The following AFM variants were observed in gnomAD, a reference collection of about 807,000 sequenced individuals.
AFM encodes the protein alpha-Alb.
Under a neutral mutation model 68.7 loss-of-function variants are expected in AFM, and 82 were observed. That is an observed-to-expected ratio of 1.19 (90% CI 1.00 to 1.43). The LOEUF (loss-of-function observed/expected upper bound fraction) is 1.43, where lower values mean the gene tolerates loss of function less well. AFM is among the 40% of genes most tolerant of loss of function. The probability of loss-of-function intolerance (pLI) is 0.00; values close to 1 mark genes in which losing one functional copy is unlikely to be tolerated. For synonymous variants in AFM, 250 were observed against 234.2 expected (o/e 1.07, Z -0.61); for missense variants, 772 against 701.8 (o/e 1.10, Z -1.13).
Position 73,499,250 on chromosome 4 carries a change from A to G in AFM, c.1422+4A>G, listed in dbSNP as rs1160181616. ...GTTTGCCTGTGTTGATAATTTGGTGAGCATGGCCTGTGTACCAGACTACTC... is the reference window on the plus strand; with the variant it reads ...GTTTGCCTGTGTTGATAATTTGGTGGGCATGGCCTGTGTACCAGACTACTC... On this transcript the variant is annotated splice_donor_region_variant and intron_variant, in intron 11 of 14. Coordinates refer to ENST00000226355, the MANE Select transcript of AFM (RefSeq NM_001133.2). 3 of 1,600,800 alleles carry G rather than the reference A, an allele frequency of 1.9e-6. No individual in the cohort carries two copies. Among genetic ancestry groups the G allele is most frequent in the South Asian group, 1.1e-5 (1 of 89,552 alleles).
intron 10 of AFM, 86 bp from the exon 11 acceptor site, chr4:73,499,028 C>T: frequency 1.4e-6 from 2 of 1,434,866 alleles, no homozygotes; most frequent in Non-Finnish European, 1.9e-6. Context: ...TGTCGCTAGC[C>T]TTGAAGGGTC....
intron 7 of AFM, among the ~76,000 whole-genome samples, chr4:73,491,364 T>C (rs1421523064): frequency 1.3e-5 from 2 of 152,252 alleles, no homozygotes; most frequent in East Asian, 1.9e-4. Context: ...TAGCTTCTTA[T>C]ATTTGATGAA....
rs771862126 is a variant in AFM, at chr4:73,483,920, C to G, written c.89-21C>G. On this transcript the variant is annotated intron_variant, in intron 1 of 14. Transcript: ENST00000226355. ...TTAGAAAACCATGCTATGTAATAAC[C>G]TAAATATTCTTGCTTTTCAGAGAAC... The G allele has an allele frequency of 4.6e-6, 7 of 1,505,736 alleles. No individual in the cohort carries two copies. The East Asian group carries it at 1.6e-4, about 35-fold the overall frequency. The allele number at this position is 1,505,736 out of a possible 1,614,324, so 93.3% of individuals were successfully genotyped here.
Position 73,483,992 on chromosome 4 carries a change from G to T in AFM, c.137+3G>T. ...ATAGAAGATAATATTGAATACATGT[G>T]AGTTGTGCTAAATACTTTTTGATGA... On this transcript the variant is annotated splice_donor_region_variant and intron_variant, in intron 2 of 14. Coordinates refer to ENST00000226355, the MANE Select transcript of AFM (RefSeq NM_001133.2). 1 of 1,520,010 alleles carries T rather than the reference G, an allele frequency of 6.6e-7. No homozygotes were observed. The highest frequency in any genetic ancestry group is 1.2e-5 in the South Asian group (1 of 82,614). The allele number at this position is 1,520,010 out of a possible 1,614,324, so 94.2% of individuals were successfully genotyped here. A position where few individuals can be genotyped will look rare whatever the true frequency, so the allele number is the denominator to read the frequency against.
Position 73,488,609 on chromosome 4 carries a change from G to A in AFM, c.714-21G>A, listed in dbSNP as rs575438048. 6 of 1,594,122 alleles carry A rather than the reference G, an allele frequency of 3.8e-6. No individual in the cohort carries two copies. The South Asian group carries it at 5.7e-5, about 15-fold the overall frequency. On this transcript the variant is annotated intron_variant, in intron 6 of 14. Transcript: ENST00000226355. Reference sequence around the variant, plus strand: ...ACTTGCTGTTCAAATTATTTTTGTGGTTTATCAATTCTCTTTCCAGATATA... The same window carrying A: ...ACTTGCTGTTCAAATTATTTTTGTGATTTATCAATTCTCTTTCCAGATATA...
chr4:73,484,391 G>A lies in AFM; in HGVS notation c.270+1G>A, dbSNP rs772282656. Reference sequence around the variant, plus strand: ...GCTCCCAGAGTGTTCAAAATTACCTGTAAGTAAATTGCTTGTGTTTCTTTT... The same window carrying A: ...GCTCCCAGAGTGTTCAAAATTACCTATAAGTAAATTGCTTGTGTTTCTTTT... On this transcript the variant is annotated splice_donor_variant, in intron 3 of 14. Transcript: ENST00000226355. LOFTEE classifies it high-confidence loss of function. 3 of 1,548,102 alleles carry A rather than the reference G, an allele frequency of 1.9e-6. No homozygotes were observed. Among genetic ancestry groups the A allele is most frequent in the South Asian group, 1.3e-5 (1 of 77,928 alleles).
intron 3 of AFM, 109 bp downstream of exon 3, chr4:73,484,499 T>TTTCA (rs1491498791): frequency 3.0e-6 from 2 of 658,518 alleles, no homozygotes; most frequent in African/African-American, 2.4e-5. Context: ...TCTTTCTTTC[T>TTTCA]TTCTTTCATT....
chr4:73,492,424 A>C (rs1721098138), intron 8 of AFM, among the ~76,000 whole-genome samples: 1 of 152,228 alleles, frequency 6.6e-6, no homozygotes, highest in African/African-American at 2.4e-5. Context: ...CTGAGATACA[A>C]TGAAGTGAAT....
In AFM at chr4:73,500,120, G is replaced by T. The variant is rs765946021; in HGVS notation, c.1539G>T (p.Leu513Phe). ...TCAGAAGGCCCTGCTTTGAGAGTTT[G>T]AAAGCTGATAAAACATATGTGCCTC... ...FAFRRPCFES[L>F]KADKTYVPPP... Residue 513 changes from leucine (L) to phenylalanine (F), a missense_variant, in exon 12 of 15, where the codon TTG (leucine) becomes TTT (phenylalanine). Coordinates refer to ENST00000226355, the MANE Select transcript of AFM (RefSeq NM_001133.2). The T allele has an allele frequency of 1.2e-6, 2 of 1,614,010 alleles. No homozygotes were observed. The highest frequency in any genetic ancestry group is 4.5e-5 in the East Asian group (2 of 44,862).
Position 73,503,119 on chromosome 4 carries a change from C to T in AFM, c.*40+9C>T. 6.3e-7 allele frequency: 1 copy of T among 1,592,262 alleles called. No homozygotes were observed. The highest frequency in any genetic ancestry group is 1.1e-5 in the South Asian group (1 of 89,754). On this transcript the variant is annotated intron_variant, in intron 14 of 14. Coordinates refer to ENST00000226355, the MANE Select transcript of AFM (RefSeq NM_001133.2). ...AGAAAAAAGCACCAAAGGTAATACCCTCTGCCTCATTCAAATGTCAAATGT... is the reference window on the plus strand; with the variant it reads ...AGAAAAAAGCACCAAAGGTAATACCTTCTGCCTCATTCAAATGTCAAATGT...
At chr4:73,483,756 A>G (rs972694155) in intron 1 of AFM, among the ~76,000 whole-genome samples, 185 bp from the exon 2 acceptor site, 9 of 152,260 alleles carry the variant, frequency 5.9e-5, no homozygotes, top group African/African-American at 1.9e-4. Context: ...CACATAATCA[A>G]CAATGACTAA....
intron 9 of AFM, 71 bp downstream of exon 9, chr4:73,495,503 G>A (rs1721232208): frequency 6.4e-7 from 1 of 1,565,830 alleles, no homozygotes; most frequent in African/African-American, 1.4e-5. Flanking sequence ...ATTGATATCA[G>A]AGTTTTGCTG....
At chr4:73,482,011 AC>A in intron 1 of AFM, 148 bp downstream of exon 1, 3 of 602,800 alleles carry the variant, frequency 5.0e-6, no homozygotes, top group Non-Finnish European at 8.7e-6. Flanking sequence ...TCCAAAACTA[AC>A]CTTTTCAGAA....
chr4:73,499,899 G>GT (rs757619753), intron 11 of AFM, 105 bp from the exon 12 acceptor site: 39 of 943,204 alleles, frequency 4.1e-5, no homozygotes, highest in Non-Finnish European at 5.9e-5. Flanking sequence ...TATGAGTGAG[G>GT]TTAACAGTGA....
chr4:73,501,728 G>T, intron 12 of AFM, 59 bp from the exon 13 acceptor site: 1 of 1,543,232 alleles, frequency 6.5e-7, no homozygotes. Flanking sequence ...GCATTTTGGA[G>T]TAGAGACGCT....
intron 6 of AFM, 65 bp from the exon 7 acceptor site, chr4:73,488,565 A>G (rs979615317): frequency 1.1e-4 from 155 of 1,451,492 alleles, no homozygotes; most frequent in Non-Finnish European, 1.4e-4. Context: ...CATATTAGCA[A>G]ATTACTCCCA....
At chr4:73,484,474 CT>C (rs1553893991) in intron 3 of AFM, 84 bp downstream of exon 3, 9 of 584,948 alleles carry the variant, frequency 1.5e-5, no homozygotes, top group South Asian at 4.2e-5. Context: ...TTCTTTCTTT[CT>C]TTCTTTCTTT....
Position 73,484,287 on chromosome 4 carries a change from A to T in AFM, c.167A>T (p.Gln56Leu). The change falls in exon 3 of 15, where the codon CAG becomes CTG. Residue 56 changes from glutamine to leucine, a missense_variant. Gln to Leu is a moderately radical substitution (Grantham distance 113, BLOSUM62 -2). Transcript: ENST00000226355. Reference protein sequence around the residue: ...ITIIAFAQYVQEATFEEMEKL... With the variant: ...ITIIAFAQYVLEATFEEMEKL... ...ATCATTGCATTTGCTCAGTATGTTC[A>T]GGAAGCAACCTTTGAAGAAATGGAA... 6.2e-7 allele frequency: 1 copy of T among 1,613,370 alleles called. No individual in the cohort carries two copies. Among genetic ancestry groups the T allele is most frequent in the South Asian group, 1.1e-5 (1 of 90,950 alleles).
At chr4:73,485,436 C>T (rs1396262330) in intron 3 of AFM, among the ~76,000 whole-genome samples, 2 of 152,030 alleles carry the variant, frequency 1.3e-5, no homozygotes, top group Non-Finnish European at 2.9e-5. Flanking sequence ...CACCTGTTCT[C>T]CCAGCTATTT....
Sources: gnomAD v4.1 joint callset for allele counts (sites outside exome capture counted in the v4.1 genomes callset) on GRCh38, gnomAD v4.1.1 for gene constraint, MANE v1.5 for transcripts, NCBI Gene and HGNC (gene_info 2026-07-23, HGNC 2026-07-21) for gene names.